Variants in SPATA13 observed in about 807,000 individuals in gnomAD.
The protein encoded by SPATA13 is spermatogenesis-associated protein 13.
A neutral mutation model predicts 104.0 loss-of-function variants in SPATA13; 50 were observed. The observed-to-expected ratio is 0.48, with a 90% CI of 0.38 to 0.61. The LOEUF (loss-of-function observed/expected upper bound fraction) is 0.61. SPATA13 is among the 20% of genes least tolerant of loss of function. The pLI is 0.00. For synonymous variants in SPATA13, 606 were observed against 667.5 expected (o/e 0.91, Z 1.42); for missense variants, 1,524 against 1,690.6 (o/e 0.90, Z 1.73).
chr13:24,300,401 G>C lies in SPATA13; in HGVS notation c.3584G>C (p.Gly1195Ala). 6.2e-7 allele frequency: 1 copy of C among 1,612,714 alleles called. No homozygotes were observed. Among genetic ancestry groups the C allele is most frequent in the Non-Finnish European group, 8.5e-7 (1 of 1,179,390 alleles). Residue 1195 changes from glycine (G) to alanine (A), a missense_variant and splice_region_variant, in exon 12 of 13, where the codon GGA becomes GCA. By Grantham distance (60) the Gly-to-Ala change is moderately conservative. Around this residue, in one of 2 missense-constraint regions of SPATA13, gnomAD observed 435 missense variants for 554.8 expected, o/e 0.78. Transcript: ENST00000382108. Reference protein sequence around the residue: ...RRRVQEDKEMGMEISENQKKL... With the variant: ...RRRVQEDKEMAMEISENQKKL... ...ATATCACATTTATTTCTAAATGCAG[G>C]AATGGAAATTTCAGAAAACCAGAAG...
chr13:24,281,653 G>A (rs1442811247), intron 4 of SPATA13, among the ~76,000 whole-genome samples: 1 of 152,172 alleles, frequency 6.6e-6, no homozygotes, highest in Non-Finnish European at 1.5e-5. Flanking sequence ...TCTGAGAGGG[G>A]CACCCCAGGC....
intron 3 of SPATA13, among the ~76,000 whole-genome samples, chr13:24,075,516 A>G (rs1389002932): frequency 1.3e-5 from 2 of 152,122 alleles, no homozygotes; most frequent in Admixed American, 1.3e-4. Flanking sequence ...AAAATGTCCT[A>G]TTTTTTTCAA....
intron 3 of SPATA13, among the ~76,000 whole-genome samples, chr13:24,121,216 A>AGAGG (rs2137824381): frequency 6.6e-6 from 1 of 152,312 alleles, no homozygotes; most frequent in East Asian, 1.9e-4. Flanking sequence ...AAGAGGACAC[A>AGAGG]GAGGGAGCTG....
intron 2 of SPATA13, among the ~76,000 whole-genome samples, chr13:23,999,641 G>A (rs1041829646): frequency 1.2e-4 from 19 of 152,194 alleles, no homozygotes; most frequent in Non-Finnish European, 2.8e-4. Context: ...AAACCTCCAG[G>A]CAATAACTGG....
At chr13:24,153,450 G>C (rs1047487164) in intron 3 of SPATA13, among the ~76,000 whole-genome samples, 1 of 152,196 alleles carries the variant, frequency 6.6e-6, no homozygotes, top group Admixed American at 6.5e-5. Flanking sequence ...TAGAGCTAGG[G>C]TTCTGCTAGT....
At chr13:24,196,062 C>G (rs1220564) in intron 1 of SPATA13, among the ~76,000 whole-genome samples, 1 of 151,964 alleles carries the variant, frequency 6.6e-6, no homozygotes. Flanking sequence ...GATTTTAATT[C>G]TTTGGTGCCA....
intron 2 of SPATA13, among the ~76,000 whole-genome samples, chr13:24,238,809 A>G (rs1049327231): frequency 6.6e-6 from 1 of 152,208 alleles, no homozygotes; most frequent in African/African-American, 2.4e-5. Context: ...TTCATCTGTA[A>G]TTCTTTAACT....
intron 2 of SPATA13, among the ~76,000 whole-genome samples, chr13:24,232,569 T>C (rs1003169445): frequency 2.0e-5 from 3 of 152,170 alleles, no homozygotes; most frequent in African/African-American, 4.8e-5. Flanking sequence ...TGAGACAGGG[T>C]CTCACTCTCT....
At chr13:24,068,483 G>A (rs1416285149) in intron 3 of SPATA13, among the ~76,000 whole-genome samples, 3 of 152,022 alleles carry the variant, frequency 2.0e-5, no homozygotes, top group Non-Finnish European at 4.4e-5. Context: ...TATTCCTTTG[G>A]GTATGTGCCC....
At chr13:24,084,210 G>A (rs1222233584) in intron 3 of SPATA13, among the ~76,000 whole-genome samples, 1 of 152,172 alleles carries the variant, frequency 6.6e-6, no homozygotes, top group East Asian at 1.9e-4. Context: ...CAATTTAAAT[G>A]CGTTGGGGAG....
chr13:24,237,490 T>C (rs1872626223), intron 2 of SPATA13, among the ~76,000 whole-genome samples: 1 of 151,576 alleles, frequency 6.6e-6, no homozygotes. Flanking sequence ...ATCCGTAGAG[T>C]AGTCAAATTC....
intron 3 of SPATA13, among the ~76,000 whole-genome samples, chr13:24,024,782 G>C (rs891912817): frequency 6.6e-6 from 1 of 150,806 alleles, no homozygotes; most frequent in South Asian, 2.1e-4. Context: ...TGCCTGCCGG[G>C]TGCAGTGGCA....
At chr13:24,271,610 C>G (rs1874618176) in intron 4 of SPATA13, among the ~76,000 whole-genome samples, 1 of 152,216 alleles carries the variant, frequency 6.6e-6, no homozygotes. Context: ...GCCATAAACT[C>G]TAATCCTCAC....
intron 11 of SPATA13, 26 bp from the exon 12 acceptor site, chr13:24,300,375 T>C (rs1406474632): frequency 6.3e-7 from 1 of 1,595,526 alleles, no homozygotes; most frequent in East Asian, 2.2e-5. Context: ...GTTCTGAATA[T>C]ATATCACATT....
At chr13:24,222,065 G>A (rs959738708) in intron 1 of SPATA13, among the ~76,000 whole-genome samples, 2 of 152,076 alleles carry the variant, frequency 1.3e-5, no homozygotes, top group East Asian at 3.9e-4. Context: ...CACGTGCCTC[G>A]GACTCCCAAA....
chr13:24,094,706 C>T (rs757094559), intron 3 of SPATA13, among the ~76,000 whole-genome samples: 1 of 152,144 alleles, frequency 6.6e-6, no homozygotes, highest in Non-Finnish European at 1.5e-5. Flanking sequence ...TTACAGTAAA[C>T]TATGATCATA....
chr13:24,184,973 C>T (rs1472377286), intron 1 of SPATA13, among the ~76,000 whole-genome samples: 1 of 152,206 alleles, frequency 6.6e-6, no homozygotes, highest in East Asian at 1.9e-4. Context: ...TGGGTCATTC[C>T]TCAGGAAAGT....
At position 24,070,705 on chromosome 13, in the gene SPATA13, G is replaced by A. The variant is rs138156175; in HGVS notation, c.-112+53004G>A. 3.8e-3 allele frequency among the ~76,000 whole-genome samples: 585 copies of A among 152,250 alleles called. 4 individuals carry two copies. The highest frequency in any genetic ancestry group is 6.8e-3 in the Middle Eastern group (2 of 294). On this transcript the variant is annotated intron_variant, in intron 3 of 14. Transcript: ENST00000424834. ...GAAGTCAACTTTCCTCCCTAATTTG[G>A]GTGGGTCTCTTCCAATCAGTTAAAG...
chr13:24,070,989 T>G (rs936434062), intron 3 of SPATA13, among the ~76,000 whole-genome samples: 2 of 152,336 alleles, frequency 1.3e-5, no homozygotes, highest in African/African-American at 4.8e-5. Context: ...TCCTTCCCTT[T>G]ATGTATATGT....
Sources: gnomAD v4.1 joint callset for allele counts (sites outside exome capture counted in the v4.1 genomes callset) on GRCh38, gnomAD v4.1.1 for gene constraint, gnomAD v4.1.1 regional missense constraint, MANE v1.5 for transcripts, NCBI Gene and HGNC (gene_info 2026-07-23, HGNC 2026-07-21) for gene names.